The following NRXN3 variants were observed in gnomAD, a reference collection of about 807,000 sequenced individuals.
NRXN3 encodes the protein neurexin 3, also known as neurexin III.
A neutral mutation model predicts 137.6 loss-of-function variants in NRXN3; 32 were observed. The observed-to-expected ratio is 0.23, with a 90% CI of 0.18 to 0.31. The LOEUF is 0.31. Among genes scored for constraint, NRXN3 ranks in the 10% least tolerant of loss-of-function variants. The pLI is 1.00. For missense variants in NRXN3, 1,574 were observed against 2,062.5 expected (o/e 0.76, Z 4.59); for synonymous variants, 798 against 784.5 (o/e 1.02, Z -0.29).
chr14:79,070,727 A>G (rs1360165041), intron 15 of NRXN3, among the ~76,000 whole-genome samples: 1 of 152,198 alleles, frequency 6.6e-6, no homozygotes, highest in Admixed American at 6.5e-5. Context: ...CAAAATTCAA[A>G]CAAAAATCAG....
At chr14:79,635,330 G>C (rs972167384) in intron 16 of NRXN3, among the ~76,000 whole-genome samples, 1 of 152,098 alleles carries the variant, frequency 6.6e-6, no homozygotes, top group African/African-American at 2.4e-5. Flanking sequence ...TTTGATGGTG[G>C]GAACATCAGG....
At chr14:78,864,280 A>G (rs1280035511) in intron 10 of NRXN3, among the ~76,000 whole-genome samples, 2 of 151,654 alleles carry the variant, frequency 1.3e-5, no homozygotes, top group African/African-American at 4.8e-5. Flanking sequence ...GTAGATTTTT[A>G]TCTTAGGTCC....
At chr14:79,223,560 T>C (rs2070216995) in intron 15 of NRXN3, among the ~76,000 whole-genome samples, 1 of 150,084 alleles carries the variant, frequency 6.7e-6, no homozygotes, top group Non-Finnish European at 1.5e-5. Flanking sequence ...AATGTCATGT[T>C]TTTAAATCAC....
intron 19 of NRXN3, among the ~76,000 whole-genome samples, chr14:79,711,434 GTTTAT>G (rs1211552870): frequency 6.6e-6 from 1 of 151,262 alleles, no homozygotes; most frequent in African/African-American, 2.4e-5. Flanking sequence ...TATTCACATA[GTTTAT>G]TTTTAGTGTA....
At chr14:79,731,823 ATTTT>A (rs1160115956) in intron 19 of NRXN3, among the ~76,000 whole-genome samples, 7 of 144,848 alleles carry the variant, frequency 4.8e-5, no homozygotes, top group African/African-American at 1.8e-4. Context: ...TTTATTTTTT[ATTTT>A]TTTTTTTAAT....
chr14:78,936,447 G>T (rs924235649), intron 10 of NRXN3, among the ~76,000 whole-genome samples: 1 of 152,260 alleles, frequency 6.6e-6, no homozygotes, highest in East Asian at 1.9e-4. Flanking sequence ...AGTACATATT[G>T]TATGGTTACA....
At chr14:79,603,020 T>C (rs1367431251) in intron 16 of NRXN3, among the ~76,000 whole-genome samples, 3 of 152,122 alleles carry the variant, frequency 2.0e-5, no homozygotes, top group Non-Finnish European at 2.9e-5. Context: ...TCTCAACTGA[T>C]CAACCAGTAG....
At chr14:78,544,409 A>G (rs1379873457) in intron 4 of NRXN3, among the ~76,000 whole-genome samples, 1 of 152,216 alleles carries the variant, frequency 6.6e-6, no homozygotes, top group African/African-American at 2.4e-5. Flanking sequence ...AAGTAGCACC[A>G]TGGACATCAA....
intron 15 of NRXN3, among the ~76,000 whole-genome samples, chr14:79,098,764 T>C (rs11850747): frequency 0.062 from 9,371 of 152,254 alleles, 872 homozygotes; most frequent in African/African-American, 0.2. Context: ...CTGGAATTCC[T>C]GACCAGTGAT....
At chr14:79,369,675 A>G (rs1019678623) in intron 15 of NRXN3, among the ~76,000 whole-genome samples, 2 of 151,994 alleles carry the variant, frequency 1.3e-5, no homozygotes, top group African/African-American at 4.8e-5. Context: ...TTACCCCTCA[A>G]TTTTCTCTTT....
chr14:78,425,409 T>C (rs8020296), intron 4 of NRXN3, among the ~76,000 whole-genome samples: 15,461 of 152,162 alleles, frequency 0.1, 1,061 homozygotes, highest in African/African-American at 0.17. Context: ...AATTTTAGCA[T>C]GTACAGGAAT....
intron 15 of NRXN3, among the ~76,000 whole-genome samples, chr14:79,371,697 A>G (rs949877418): frequency 6.6e-6 from 1 of 152,140 alleles, no homozygotes; most frequent in African/African-American, 2.4e-5. Flanking sequence ...TCTATCAATG[A>G]TCAGTATGGA....
At chr14:79,533,611 G>A (rs1428036231) in intron 16 of NRXN3, among the ~76,000 whole-genome samples, 1 of 152,102 alleles carries the variant, frequency 6.6e-6, no homozygotes, top group Non-Finnish European at 1.5e-5. Flanking sequence ...TTTGGTGTCT[G>A]AAAAACAATA....
intron 19 of NRXN3, among the ~76,000 whole-genome samples, chr14:79,798,691 T>TA (rs2099168044): frequency 6.6e-6 from 1 of 152,216 alleles, no homozygotes. Flanking sequence ...ATTAGCCTAT[T>TA]ACCAGTGTAA....
At chr14:79,308,956 G>A (rs1360291981) in intron 15 of NRXN3, among the ~76,000 whole-genome samples, 3 of 123,776 alleles carry the variant, frequency 2.4e-5, no homozygotes, top group African/African-American at 9.3e-5. Flanking sequence ...TATACTCTAA[G>A]TTTTAGGGTA....
chr14:79,091,227 G>A (rs564995119), intron 15 of NRXN3, among the ~76,000 whole-genome samples: 12 of 151,978 alleles, frequency 7.9e-5, no homozygotes, highest in Non-Finnish European at 1.8e-4. Flanking sequence ...CTGGTACATA[G>A]TTATTTGAAA....
chr14:79,233,067 C>CTCAT (rs2072551426), intron 15 of NRXN3, among the ~76,000 whole-genome samples: 1 of 152,086 alleles, frequency 6.6e-6, no homozygotes, highest in African/African-American at 2.4e-5. Context: ...CCAAAATGAG[C>CTCAT]TCATTAATCC....
chr14:79,785,744 G>C (rs1470520223), intron 19 of NRXN3, among the ~76,000 whole-genome samples: 1 of 152,136 alleles, frequency 6.6e-6, no homozygotes, highest in Admixed American at 6.6e-5. Context: ...AAGGTTGAAT[G>C]AATGATTGGT....
chr14:78,183,777 G>C (rs2060009154), intron 1 of NRXN3, among the ~76,000 whole-genome samples: 1 of 152,158 alleles, frequency 6.6e-6, no homozygotes, highest in Admixed American at 6.5e-5. Flanking sequence ...TGGGGTAAAG[G>C]GAGCTCCCTC....
Sources: allele counts gnomAD v4.1 joint callset (sites outside exome capture counted in the v4.1 genomes callset), GRCh38; gene constraint gnomAD v4.1.1; transcripts MANE v1.5; gene names NCBI Gene and HGNC (gene_info 2026-07-23, HGNC 2026-07-21).